The following KCNMA1 variants were observed in gnomAD, a reference collection of about 807,000 sequenced individuals.
KCNMA1 encodes potassium calcium-activated channel subfamily M alpha 1.
In KCNMA1, 29 loss-of-function variants were observed where a neutral mutation model predicts 140.0. The ratio of observed to expected loss-of-function variants is 0.21; its 90% CI spans 0.15 to 0.28. The LOEUF is 0.28. Ranked by LOEUF, KCNMA1 falls within the 10% of genes least tolerant of loss-of-function variation. The pLI is 1.00. For missense variants in KCNMA1, 880 were observed against 1,602.2 expected (o/e 0.55, Z 7.70); for synonymous variants, 612 against 611.9 (o/e 1.00, Z 0.00).
chr10:77,295,805 A>ACC (rs1565798773), intron 2 of KCNMA1, among the ~76,000 whole-genome samples: 1 of 136,896 alleles, frequency 7.3e-6, no homozygotes, highest in Non-Finnish European at 1.6e-5. Context: ...AAAAAAAAAA[A>ACC]AAAAAAAAAA....
Position 76,887,232 on chromosome 10 carries a change from A to G in KCNMA1, c.*34T>C. Reference sequence around the variant, plus strand: ...CACCAACTGGGGAAATGAGTGGCAGATACAGTTTCACACAGTGGCGGTGGA... The same window carrying G: ...CACCAACTGGGGAAATGAGTGGCAGGTACAGTTTCACACAGTGGCGGTGGA... On this transcript the variant is annotated 3_prime_UTR_variant, in exon 28 of 28. Transcript: ENST00000286628. The G allele has an allele frequency of 6.2e-7, 1 of 1,614,040 alleles. No individual in the cohort carries two copies. The highest frequency in any genetic ancestry group is 1.3e-5 in the African/African-American group (1 of 75,052).
At chr10:76,972,503 G>T (rs1323156374) in intron 19 of KCNMA1, among the ~76,000 whole-genome samples, 1 of 152,162 alleles carries the variant, frequency 6.6e-6, no homozygotes, top group Non-Finnish European at 1.5e-5. Flanking sequence ...TTTACACCTT[G>T]TTGCTACACT....
At chr10:77,584,131 G>T (rs576869278) in intron 1 of KCNMA1, among the ~76,000 whole-genome samples, 58 of 152,260 alleles carry the variant, frequency 3.8e-4, no homozygotes, top group Non-Finnish European at 7.2e-4. Flanking sequence ...GCAGTGAGCA[G>T]GACTTGGGTA....
intron 1 of KCNMA1, among the ~76,000 whole-genome samples, chr10:77,427,896 G>A (rs1162677186): frequency 1.3e-5 from 2 of 151,960 alleles, no homozygotes; most frequent in Non-Finnish European, 2.9e-5. Flanking sequence ...GGGACTACAG[G>A]TGCATGCCAC....
At chr10:77,403,757 G>T in intron 2 of KCNMA1, 105 bp downstream of exon 2, 3 of 1,188,686 alleles carry the variant, frequency 2.5e-6, no homozygotes, top group Non-Finnish European at 1.2e-6. Context: ...CCTCCCAATA[G>T]CCAGCCTCCT....
intron 2 of KCNMA1, among the ~76,000 whole-genome samples, chr10:77,361,635 A>G (rs2093955321): frequency 6.6e-6 from 1 of 152,230 alleles, no homozygotes. Flanking sequence ...CTGCCGAGTC[A>G]CTGCAAGGAG....
rs767100016 is a variant in KCNMA1 at position 76,969,994 on chromosome 10, G to A, written c.2340C>T (p.Asn780=). Residue 780 remains asparagine, a synonymous_variant, in exon 20 of 28, where the codon AAC becomes AAT. Transcript: ENST00000286628. ...CTTACCTCATCAGCTTAGGCGAGGT[G>A]TTGGGTGAGTTCCGCATGCCTCCAT... ...QRNGGMRNSP[N]TSPKLMRHDP... The A allele has an allele frequency of 9.9e-6, 16 of 1,613,830 alleles. No individual in the cohort carries two copies. The highest frequency in any genetic ancestry group is 1.4e-5 in the Non-Finnish European group (16 of 1,179,848).
intron 2 of KCNMA1, among the ~76,000 whole-genome samples, chr10:77,328,890 G>T (rs1469465194): frequency 6.6e-6 from 1 of 151,960 alleles, no homozygotes; most frequent in Non-Finnish European, 1.5e-5. Flanking sequence ...ACCCAGGCTG[G>T]AGTGCAGTGG....
In KCNMA1 at chr10:77,566,235, C is replaced by T. The variant is rs534226019; in HGVS notation, c.378+71030G>A. On this transcript the variant is annotated intron_variant, in intron 1 of 27. Coordinates refer to ENST00000286628, the MANE Select transcript of KCNMA1 (RefSeq NM_001161352.2). Reference sequence around the variant, plus strand: ...AAGCTGCAGCCCTCTGGGGAATGTCCCCCCATCCCATCCCCCAGGATCCTT... The same window carrying T: ...AAGCTGCAGCCCTCTGGGGAATGTCTCCCCATCCCATCCCCCAGGATCCTT... 3.0e-4 allele frequency among the ~76,000 whole-genome samples: 46 copies of T among 152,250 alleles called. 1 individual carries two copies. Among genetic ancestry groups the T allele is most frequent in the Admixed American group, 2.2e-3 (33 of 15,292 alleles).
chr10:77,563,415 A>C (rs1567568172), intron 1 of KCNMA1, among the ~76,000 whole-genome samples: 1 of 151,952 alleles, frequency 6.6e-6, no homozygotes, highest in Non-Finnish European at 1.5e-5. Flanking sequence ...CCTCATCACC[A>C]TTTTTTCATT....
At chr10:77,598,790 A>T (rs1167653167) in intron 1 of KCNMA1, among the ~76,000 whole-genome samples, 2 of 152,208 alleles carry the variant, frequency 1.3e-5, no homozygotes, top group African/African-American at 4.8e-5. Flanking sequence ...CGTCCTGGGA[A>T]GGTCAGGCTG....
In KCNMA1 at chr10:77,181,781, A is replaced by ATACG. The variant is rs112359279; in HGVS notation, c.808+1636_808+1639dup. On this transcript the variant is annotated intron_variant, in intron 5 of 27. Transcript: ENST00000286628. ...ACGGAGAAAATAAGGAGGAATCAGG[A>ATACG]TACGATAAGCAAAAAATCCAGTCTA... Among the ~76,000 whole-genome samples the ATACG allele has an allele frequency of 9.9e-3, 1,511 of 152,310 alleles. 21 individuals are homozygous for ATACG. The highest frequency in any genetic ancestry group is 0.034 in the African/African-American group (1,428 of 41,558).
At chr10:76,897,554 T>G (rs2043117341) in intron 25 of KCNMA1, among the ~76,000 whole-genome samples, 1 of 152,094 alleles carries the variant, frequency 6.6e-6, no homozygotes, top group East Asian at 1.9e-4. Context: ...TTTTTGACTC[T>G]TTGCGTACAT....
chr10:77,108,213 G>T lies in KCNMA1; in HGVS notation c.1223+268C>A. 1 of 1,205,994 alleles carries T rather than the reference G, an allele frequency of 8.3e-7. No homozygotes were observed. The highest frequency in any genetic ancestry group is 1.1e-6 in the Non-Finnish European group (1 of 890,504). The allele number at this position is 1,205,994 out of a possible 1,614,324, so 74.7% of individuals were successfully genotyped here. A position where few individuals can be genotyped will look rare whatever the true frequency, so the allele number is the denominator to read the frequency against. Reference sequence around the variant, plus strand: ...CACCCGGTGGGGTTGGGGAGGGGCAGAATTCAGATGGCACCTCCACAGGGA... The same window carrying T: ...CACCCGGTGGGGTTGGGGAGGGGCATAATTCAGATGGCACCTCCACAGGGA... On this transcript the variant is annotated intron_variant, in intron 9 of 27. Coordinates refer to ENST00000286628, the MANE Select transcript of KCNMA1 (RefSeq NM_001161352.2). This position sits in a 1 kb window ranked among gnomAD's most constrained non-coding sequence, Gnocchi z 4.6.
At chr10:77,006,156 T>C (rs2088504394) in intron 18 of KCNMA1, among the ~76,000 whole-genome samples, 1 of 152,174 alleles carries the variant, frequency 6.6e-6, no homozygotes, top group Non-Finnish European at 1.5e-5. Flanking sequence ...ATGCAGAATC[T>C]TAATTTCCAG....
chr10:77,432,795 C>CCAAA (rs1388295563), intron 1 of KCNMA1, among the ~76,000 whole-genome samples: 1 of 152,136 alleles, frequency 6.6e-6, no homozygotes, highest in Non-Finnish European at 1.5e-5. Context: ...TAAAAAACTA[C>CCAAA]CAAACAGGTT....
chr10:77,361,464 C>T (rs549302634), intron 2 of KCNMA1, among the ~76,000 whole-genome samples: 5 of 152,338 alleles, frequency 3.3e-5, no homozygotes, highest in Admixed American at 1.3e-4. Context: ...TCATCATCAC[C>T]GCCAGCAACA....
intron 27 of KCNMA1, among the ~76,000 whole-genome samples, chr10:76,888,787 G>A (rs1022203714): frequency 3.3e-5 from 5 of 152,168 alleles, no homozygotes; most frequent in South Asian, 2.1e-4. Context: ...TCTTAGGGCG[G>A]GGTGTGGTGG....
intron 1 of KCNMA1, among the ~76,000 whole-genome samples, chr10:77,499,505 T>C (rs1207779193): frequency 6.7e-6 from 1 of 149,934 alleles, no homozygotes; most frequent in Non-Finnish European, 1.5e-5. Flanking sequence ...TGGTGAAGAA[T>C]TATCAGCATC....
Sources: allele counts gnomAD v4.1 joint callset (sites outside exome capture counted in the v4.1 genomes callset), GRCh38; gene constraint gnomAD v4.1.1; non-coding constraint Gnocchi (gnomAD v3.1); transcripts MANE v1.5; gene names NCBI Gene and HGNC (gene_info 2026-07-23, HGNC 2026-07-21).